ACAD11: variants seen among roughly 807,000 people sequenced by gnomAD.
ACAD11 encodes the protein acyl-Coenzyme A dehydrogenase family, member 11.
A neutral mutation model predicts 102.2 loss-of-function variants in ACAD11; 83 were observed. The ratio of observed to expected loss-of-function variants is 0.81; its 90% CI spans 0.68 to 0.97. ACAD11 has a LOEUF of 0.97. Ranked by LOEUF, ACAD11 falls within the 50% of genes least tolerant of loss-of-function variation. The pLI is 0.00. For missense variants in ACAD11, 901 were observed against 951.7 expected, an observed-to-expected ratio of 0.95 and a Z score of 0.70; for synonymous variants, 324 against 319.8, an observed-to-expected ratio of 1.01 and a Z score of -0.14.
chr3:132,623,755 A>T (rs1939695100), intron 9 of ACAD11, among the ~76,000 whole-genome samples: 1 of 152,130 alleles, frequency 6.6e-6, no homozygotes, highest in East Asian at 1.9e-4. Flanking sequence ...GAGTATCACA[A>T]CCCAACCTGT....
chr3:132,597,964 G>A (rs928921183), intron 13 of ACAD11, among the ~76,000 whole-genome samples: 5 of 151,914 alleles, frequency 3.3e-5, no homozygotes, highest in Admixed American at 6.6e-5. Context: ...GTTGGCACCC[G>A]GTTTTTACAT....
chr3:132,628,469 T>C (rs771040106), intron 7 of ACAD11, 23 bp from the exon 8 acceptor site: 1 of 1,493,444 alleles, frequency 6.7e-7, no homozygotes. Flanking sequence ...ATAGAACAAT[T>C]AAAATTCATT....
chr3:132,567,626 T>C (rs923565066), intron 17 of ACAD11, among the ~76,000 whole-genome samples: 2 of 152,022 alleles, frequency 1.3e-5, no homozygotes, highest in African/African-American at 4.8e-5. Flanking sequence ...AACATATCAG[T>C]TATTATAAAG....
At chr3:132,606,625 C>T (rs1938848960) in intron 11 of ACAD11, among the ~76,000 whole-genome samples, 1 of 152,212 alleles carries the variant, frequency 6.6e-6, no homozygotes, top group Non-Finnish European at 1.5e-5. Flanking sequence ...AGGCAGTAGC[C>T]CCAGTCAGGG....
At chr3:132,565,759 TAA>T (rs2107781168) in intron 17 of ACAD11, among the ~76,000 whole-genome samples, 1 of 152,264 alleles carries the variant, frequency 6.6e-6, no homozygotes, top group East Asian at 1.9e-4. Context: ...TCTGATTGTT[TAA>T]AAGAGTCTGG....
At chr3:132,620,863 A>T (rs1939581132) in intron 9 of ACAD11, among the ~76,000 whole-genome samples, 1 of 152,228 alleles carries the variant, frequency 6.6e-6, no homozygotes, top group African/African-American at 2.4e-5. Flanking sequence ...TGTGTCCTTT[A>T]CTAGCTTAAG....
At chr3:132,619,223 G>A (rs1939520044) in intron 10 of ACAD11, among the ~76,000 whole-genome samples, 1 of 152,122 alleles carries the variant, frequency 6.6e-6, no homozygotes, top group South Asian at 2.1e-4. Context: ...GGCTAATAAT[G>A]AATAGTTTTA....
At chr3:132,630,609 A>C (rs577438227) in intron 6 of ACAD11, 51 bp from the exon 7 acceptor site, 1 of 1,530,912 alleles carries the variant, frequency 6.5e-7, no homozygotes, top group South Asian at 1.2e-5. Context: ...CGTGGTGAAT[A>C]TTTCAAAATG....
chr3:132,650,535 A>C (rs1223738825), intron 1 of ACAD11, among the ~76,000 whole-genome samples: 1 of 152,260 alleles, frequency 6.6e-6, no homozygotes, highest in Non-Finnish European at 1.5e-5. Flanking sequence ...TATTTCATAT[A>C]TTATTAGACA....
chr3:132,603,535 A>C (rs1442869233), intron 12 of ACAD11, among the ~76,000 whole-genome samples: 1 of 152,212 alleles, frequency 6.6e-6, no homozygotes, highest in Non-Finnish European at 1.5e-5. Context: ...TATACTGAAC[A>C]TTGGGGATCA....
intron 9 of ACAD11, among the ~76,000 whole-genome samples, chr3:132,620,748 C>T (rs1008199888): frequency 3.3e-5 from 5 of 152,180 alleles, no homozygotes; most frequent in African/African-American, 1.2e-4. Context: ...CTTAAAAACT[C>T]TATGGCAGTG....
chr3:132,579,061 A>T (rs1461263901), intron 14 of ACAD11, 180 bp from the exon 15 acceptor site: 1 of 1,500,754 alleles, frequency 6.7e-7, no homozygotes, highest in Admixed American at 2.0e-5. Context: ...TGTGATCTGG[A>T]ACAGAAACAA....
intron 13 of ACAD11, among the ~76,000 whole-genome samples, chr3:132,585,903 C>G (rs2107801945): frequency 6.6e-6 from 1 of 152,240 alleles, no homozygotes; most frequent in South Asian, 2.1e-4. Flanking sequence ...GGACTGTAAA[C>G]TAGTTCAACC....
At chr3:132,613,526 A>C (rs1576590759) in intron 11 of ACAD11, among the ~76,000 whole-genome samples, 1 of 152,112 alleles carries the variant, frequency 6.6e-6, no homozygotes, top group Non-Finnish European at 1.5e-5. Context: ...GGCAACAGAA[A>C]GAAATGAAGG....
Position 132,659,757 on chromosome 3 carries a change from C to A in ACAD11, c.-6G>T. ...CCAGTAGCACCTGGCTTCATGATCA[C>A]CCCCGCAGGCCACAGCAACGCGGCA... On this transcript the variant is annotated 5_prime_UTR_variant, in exon 1 of 20. Transcript: ENST00000264990. 1 of 1,583,904 alleles carries A rather than the reference C, an allele frequency of 6.3e-7. No individual in the cohort carries two copies.
chr3:132,649,769 G>T (rs1940865847), intron 1 of ACAD11: 2 of 152,184 alleles, frequency 1.3e-5, no homozygotes, highest in South Asian at 4.1e-4. Context: ...ATACCCACAG[G>T]TGTGGAGGGG....
intron 11 of ACAD11, among the ~76,000 whole-genome samples, chr3:132,615,267 T>C (rs1939359986): frequency 6.6e-6 from 1 of 152,186 alleles, no homozygotes; most frequent in Non-Finnish European, 1.5e-5. Context: ...GACAGTATGG[T>C]GATTCCTCAA....
Position 132,589,572 on chromosome 3 carries a change from C to A in ACAD11, c.1622-10014G>T, listed in dbSNP as rs1489037935. 2.0e-5 allele frequency among the ~76,000 whole-genome samples: 3 copies of A among 152,294 alleles called. No individual in the cohort carries two copies. In the East Asian group the frequency reaches 5.8e-4, roughly 29 times the overall value. On this transcript the variant is annotated intron_variant, in intron 13 of 19. Coordinates refer to ENST00000264990, the MANE Select transcript of ACAD11 (RefSeq NM_032169.5). ...TGGCCAGTGCCTCTCTAGATGCCTA[C>A]AGGCTGAAGGATCAACGCTACTTGC...
At chr3:132,652,145 G>C (rs1326010510) in intron 1 of ACAD11, among the ~76,000 whole-genome samples, 1 of 152,106 alleles carries the variant, frequency 6.6e-6, no homozygotes, top group African/African-American at 2.4e-5. Flanking sequence ...GGTGAGACCT[G>C]GTAGGAGGTA....
Sources: gnomAD v4.1 joint callset for allele counts (sites outside exome capture counted in the v4.1 genomes callset) on GRCh38, gnomAD v4.1.1 for gene constraint, MANE v1.5 for transcripts, NCBI Gene and HGNC (gene_info 2026-07-23, HGNC 2026-07-21) for gene names.